The following CACNA1C variants were observed in gnomAD, a reference collection of about 807,000 sequenced individuals.
CACNA1C encodes the protein voltage-dependent L-type calcium channel subunit alpha-1C.
Under a neutral mutation model 229.0 loss-of-function variants are expected in CACNA1C, and 30 were observed. The observed-to-expected ratio is 0.13, with a 90% CI of 0.10 to 0.18. The LOEUF is 0.18. CACNA1C is among the 10% of genes least tolerant of loss of function. The probability of loss-of-function intolerance (pLI) is 1.00; values close to 1 mark genes in which losing one functional copy is unlikely to be tolerated. For synonymous variants in CACNA1C, 1,114 were observed against 1,132.5 expected (o/e 0.98, Z 0.33); for missense variants, 1,658 against 2,845.0 (o/e 0.58, Z 9.49).
intron 1 of CACNA1C, among the ~76,000 whole-genome samples, chr12:2,089,083 G>A (rs916533675): frequency 6.6e-5 from 10 of 152,162 alleles, no homozygotes; most frequent in African/African-American, 2.4e-4. Context: ...GATTCATTCT[G>A]CTTTTACTGC....
chr12:2,012,192 A>G (rs985451829), intron 1 of CACNA1C, among the ~76,000 whole-genome samples: 1 of 152,174 alleles, frequency 6.6e-6, no homozygotes, highest in Non-Finnish European at 1.5e-5. Context: ...GAACTCTAAT[A>G]GTGGGGACTA....
chr12:2,404,532 T>A (rs2098714295), intron 3 of CACNA1C, among the ~76,000 whole-genome samples: 1 of 152,094 alleles, frequency 6.6e-6, no homozygotes, highest in Admixed American at 6.5e-5. Flanking sequence ...TCAGACGATT[T>A]GTTGGAAGGC....
At chr12:2,509,911 A>G (rs2099779874) in intron 8 of CACNA1C, among the ~76,000 whole-genome samples, 1 of 152,186 alleles carries the variant, frequency 6.6e-6, no homozygotes, top group East Asian at 1.9e-4. Context: ...AGTTACAAAC[A>G]CATTTTAGTG....
chr12:2,211,927 G>A (rs1416741793), intron 3 of CACNA1C, among the ~76,000 whole-genome samples: 3 of 151,766 alleles, frequency 2.0e-5, no homozygotes, highest in Non-Finnish European at 4.4e-5. Context: ...CACCATGTTG[G>A]CCAGGCTGGT....
chr12:2,641,715 G>C (rs1568997662), intron 30 of CACNA1C: 2 of 702,546 alleles, frequency 2.8e-6, no homozygotes, highest in Non-Finnish European at 5.2e-6. Context: ...ACCTTGAAGA[G>C]AAGGCGATGC....
chr12:2,527,169 G>C (rs533146054), intron 9 of CACNA1C, among the ~76,000 whole-genome samples: 1 of 152,306 alleles, frequency 6.6e-6, no homozygotes, highest in Non-Finnish European at 1.5e-5. Context: ...TGCTAAGCCT[G>C]AGTCTGGTTT....
chr12:2,184,221 C>T (rs1029628759), intron 3 of CACNA1C, among the ~76,000 whole-genome samples: 29 of 152,142 alleles, frequency 1.9e-4, no homozygotes, highest in Admixed American at 2.6e-4. Context: ...GTTTAGCAGC[C>T]GAAGGGACTT....
At chr12:2,092,891 A>G (rs1025833233) in intron 1 of CACNA1C, among the ~76,000 whole-genome samples, 5 of 152,228 alleles carry the variant, frequency 3.3e-5, no homozygotes, top group African/African-American at 1.2e-4. Flanking sequence ...TTCAAAATGC[A>G]TCTCTTTCTA....
upstream of CACNA1C, among the ~76,000 whole-genome samples, chr12:2,052,285 C>G (rs2052426072): frequency 6.6e-6 from 1 of 152,182 alleles, no homozygotes; most frequent in Non-Finnish European, 1.5e-5. Flanking sequence ...GCCTCGCCTA[C>G]CAGGCTCCGC....
chr12:2,585,786 TG>T lies in CACNA1C; in HGVS notation c.2461-45del, dbSNP rs774615131. 1 of 1,366,370 alleles carries T rather than the reference TG, an allele frequency of 7.3e-7. No homozygotes were observed. The highest frequency in any genetic ancestry group is 1.2e-5 in the South Asian group (1 of 81,656). 84.6% of individuals were successfully genotyped at this position (1,366,370 alleles called of 1,614,324 possible). A position where few individuals can be genotyped will look rare whatever the true frequency, so the allele number is the denominator to read the frequency against. ...CAAGGCTACTGCAAGCCTCTTAACT[TG>T]GGGACGTATCTAACTATTCTTCCCC... On this transcript the variant is annotated intron_variant, in intron 17 of 46. Transcript: ENST00000399655. The surrounding 1 kb of genome is among the most constrained non-coding windows in gnomAD (Gnocchi z 4.1).
chr12:2,350,166 C>T (rs2097163943), intron 3 of CACNA1C, among the ~76,000 whole-genome samples: 1 of 152,176 alleles, frequency 6.6e-6, no homozygotes, highest in African/African-American at 2.4e-5. Context: ...TCTCTCACAA[C>T]ACTAGTGTGA....
intron 3 of CACNA1C, among the ~76,000 whole-genome samples, chr12:2,198,371 G>C (rs1257963457): frequency 6.6e-6 from 1 of 152,170 alleles, no homozygotes; most frequent in African/African-American, 2.4e-5. Context: ...CCTTGTCTCT[G>C]TGGAACCGGA....
intron 3 of CACNA1C, among the ~76,000 whole-genome samples, chr12:2,444,787 CA>C (rs1180287468): frequency 6.6e-6 from 1 of 152,168 alleles, no homozygotes; most frequent in East Asian, 1.9e-4. Flanking sequence ...AACCAGAAAA[CA>C]AAGCACATGC....
chr12:2,421,132 G>A (rs532135862), intron 3 of CACNA1C, among the ~76,000 whole-genome samples: 7 of 152,140 alleles, frequency 4.6e-5, no homozygotes, highest in South Asian at 4.2e-4. Context: ...CAACCCAAAC[G>A]TGCAGAATAT....
At chr12:2,433,271 A>G (rs1397822568) in intron 3 of CACNA1C, among the ~76,000 whole-genome samples, 1 of 152,082 alleles carries the variant, frequency 6.6e-6, no homozygotes, top group East Asian at 1.9e-4. Flanking sequence ...GGTGTAGCTG[A>G]TGTGCTTGGG....
intron 8 of CACNA1C, among the ~76,000 whole-genome samples, chr12:2,509,030 C>G (rs1017168030): frequency 2.0e-5 from 3 of 152,152 alleles, no homozygotes; most frequent in African/African-American, 7.2e-5. Context: ...TTGTTTTAAG[C>G]GACTGCAAAC....
In CACNA1C at chr12:2,639,171, A is replaced by G. The variant is rs940574814; in HGVS notation, c.3912+4791A>G. Among the ~76,000 whole-genome samples the G allele has an allele frequency of 7.2e-5, 11 of 152,190 alleles. No homozygotes were observed. The highest frequency in any genetic ancestry group is 1.4e-4 in the African/African-American group (6 of 41,442). On this transcript the variant is annotated intron_variant, in intron 30 of 46. Coordinates refer to ENST00000399655, the MANE Select transcript of CACNA1C (RefSeq NM_000719.7). The surrounding 1 kb of genome is among the most constrained non-coding windows in gnomAD (Gnocchi z 4.2). ...CATGGGCCCCGGCCCTTCTCCTGCC[A>G]ATGCATCACCTGGGTCTAAATCCGA...
In CACNA1C at chr12:2,467,716, GGT is replaced by G. The variant is rs1351927896; in HGVS notation, c.757+10013_757+10014del. Among the ~76,000 whole-genome samples, 1 of 151,344 alleles carries G rather than the reference GGT, an allele frequency of 6.6e-6. No homozygotes were observed. Among genetic ancestry groups the G allele is most frequent in the Admixed American group, 6.6e-5 (1 of 15,232 alleles). ...ACCTGCCAGGCCCACCCTCTCCCCC[GGT>G]GTCTCCTGATCTCCCAGTGTGGACG... On this transcript the variant is annotated intron_variant, in intron 5 of 46. Coordinates refer to ENST00000399655, the MANE Select transcript of CACNA1C (RefSeq NM_000719.7). This position sits in a 1 kb window ranked among gnomAD's most constrained non-coding sequence, Gnocchi z 4.6.
intron 34 of CACNA1C, among the ~76,000 whole-genome samples, chr12:2,658,653 G>A (rs2095545406): frequency 6.6e-6 from 1 of 151,924 alleles, no homozygotes; most frequent in Non-Finnish European, 1.5e-5. Context: ...CCGTAAAACA[G>A]CCTTAGGCAG....
Sources: allele counts gnomAD v4.1 joint callset (sites outside exome capture counted in the v4.1 genomes callset), GRCh38; gene constraint gnomAD v4.1.1; non-coding constraint Gnocchi (gnomAD v3.1); transcripts MANE v1.5; gene names NCBI Gene and HGNC (gene_info 2026-07-23, HGNC 2026-07-21).